Variants in MCPH1 observed in about 807,000 individuals in gnomAD.
MCPH1 encodes the protein microcephalin 1, also known as microcephalin.
In MCPH1, 104 loss-of-function variants were observed where a neutral mutation model predicts 84.5. The ratio of observed to expected loss-of-function variants is 1.23; its 90% CI spans 1.05 to 1.45. The LOEUF is 1.45. MCPH1 is among the 40% of genes most tolerant of loss of function. The pLI is 0.00. For missense variants in MCPH1, 1,498 were observed against 1,005.7 expected (o/e 1.49, Z -6.62); for synonymous variants, 514 against 366.8 (o/e 1.40, Z -4.58).
intron 13 of MCPH1, among the ~76,000 whole-genome samples, chr8:6,640,229 A>G (rs929913457): frequency 2.0e-5 from 3 of 152,256 alleles, no homozygotes; most frequent in East Asian, 1.9e-4. Context: ...TTTCTGTAAA[A>G]TACATTCCAA....
chr8:6,512,449 G>C (rs972171664), intron 12 of MCPH1, among the ~76,000 whole-genome samples: 5 of 152,126 alleles, frequency 3.3e-5, no homozygotes, highest in Non-Finnish European at 5.9e-5. Context: ...TGTGATGTTC[G>C]TGTTGACCTT....
chr8:6,483,002 A>C (rs1222500835), intron 11 of MCPH1, among the ~76,000 whole-genome samples: 1 of 152,192 alleles, frequency 6.6e-6, no homozygotes, highest in Non-Finnish European at 1.5e-5. Context: ...TAAACCACAC[A>C]ATTTTCTATG....
intron 9 of MCPH1, among the ~76,000 whole-genome samples, chr8:6,471,523 A>G (rs1807709487): frequency 6.6e-6 from 1 of 152,228 alleles, no homozygotes; most frequent in Non-Finnish European, 1.5e-5. Context: ...AGATACAGGC[A>G]GAGGGAGAAG....
At chr8:6,522,513 C>T (rs1428376622) in intron 12 of MCPH1, among the ~76,000 whole-genome samples, 1 of 152,158 alleles carries the variant, frequency 6.6e-6, no homozygotes, top group Non-Finnish European at 1.5e-5. Context: ...GTGGCTCACA[C>T]CTATAATCCC....
chr8:6,414,674 A>G (rs966907716), intron 2 of MCPH1, 91 bp from the exon 3 acceptor site: 1 of 1,408,272 alleles, frequency 7.1e-7, no homozygotes, highest in East Asian at 2.4e-5. Context: ...GTTGAGAAAC[A>G]GAATTGCTGG....
chr8:6,586,534 G>C (rs1337583690), intron 12 of MCPH1, among the ~76,000 whole-genome samples: 1 of 152,124 alleles, frequency 6.6e-6, no homozygotes, highest in East Asian at 1.9e-4. Flanking sequence ...CCTTCTTTCA[G>C]CAGTTATTGA....
At chr8:6,613,550 G>A (rs1007982817) in intron 12 of MCPH1, among the ~76,000 whole-genome samples, 10 of 152,034 alleles carry the variant, frequency 6.6e-5, no homozygotes, top group African/African-American at 2.2e-4. Context: ...TGCAGACAAG[G>A]TGGGAGGTGG....
At chr8:6,514,919 G>T in intron 12 of MCPH1, 1 of 630,368 alleles carries the variant, frequency 1.6e-6, no homozygotes, top group Admixed American at 2.6e-5. Flanking sequence ...GTAGACCATC[G>T]GGGTTGTCTA....
At chr8:6,623,715 A>AC (rs1831744157) in intron 13 of MCPH1, among the ~76,000 whole-genome samples, 1 of 3,002 alleles carries the variant, frequency 3.3e-4, no homozygotes, top group African/African-American at 9.4e-4. Flanking sequence ...AAAAAAAAAA[A>AC]AAACTATTGA....
At chr8:6,473,331 T>G (rs1334323027) in intron 9 of MCPH1, among the ~76,000 whole-genome samples, 1 of 123,274 alleles carries the variant, frequency 8.1e-6, no homozygotes, top group Non-Finnish European at 1.7e-5. Context: ...TTTTTTTTTT[T>G]TTTTTTTTTT....
intron 3 of MCPH1, among the ~76,000 whole-genome samples, chr8:6,430,406 C>G (rs1256010427): frequency 6.6e-6 from 1 of 152,156 alleles, no homozygotes; most frequent in South Asian, 2.1e-4. Context: ...GAAAATCACA[C>G]GTTAGTGTTG....
chr8:6,522,104 C>G (rs558274397), intron 12 of MCPH1, among the ~76,000 whole-genome samples: 1 of 152,176 alleles, frequency 6.6e-6, no homozygotes, highest in Middle Eastern at 3.2e-3. Flanking sequence ...GCTTGTAATC[C>G]CAGCACTTTG....
At chr8:6,491,376 CTTT>C (rs34589854) in intron 11 of MCPH1, among the ~76,000 whole-genome samples, 6 of 128,136 alleles carry the variant, frequency 4.7e-5, no homozygotes, top group Admixed American at 7.9e-5. Context: ...TGGTTTCTTT[CTTT>C]TTTTTTTTTT....
chr8:6,409,247 A>G (rs1563163092), intron 1 of MCPH1, 32 bp from the exon 2 acceptor site: 1 of 1,549,124 alleles, frequency 6.5e-7, no homozygotes, highest in Non-Finnish European at 8.9e-7. Context: ...GGAATTTCAA[A>G]TGTATGTTTC....
intron 12 of MCPH1, among the ~76,000 whole-genome samples, chr8:6,528,647 T>C (rs1267137013): frequency 1.3e-5 from 2 of 152,252 alleles, no homozygotes; most frequent in Non-Finnish European, 2.9e-5. Flanking sequence ...CCGCGGATTC[T>C]CTAGCGCCTG....
chr8:6,506,572 CAA>C (rs749427852), intron 12 of MCPH1, among the ~76,000 whole-genome samples: 5 of 152,170 alleles, frequency 3.3e-5, no homozygotes, highest in Non-Finnish European at 7.4e-5. Context: ...AGACAGGAAA[CAA>C]AGTCCTAGGT....
intron 3 of MCPH1, among the ~76,000 whole-genome samples, chr8:6,415,630 A>C (rs1799168545): frequency 6.6e-6 from 1 of 152,184 alleles, no homozygotes; most frequent in African/African-American, 2.4e-5. Flanking sequence ...CTAGGATTAC[A>C]GGTGTGAGCC....
intron 11 of MCPH1, among the ~76,000 whole-genome samples, chr8:6,488,770 C>G (rs916223861): frequency 2.0e-4 from 31 of 152,076 alleles, no homozygotes; most frequent in African/African-American, 7.5e-4. Context: ...AGAGTGGCAG[C>G]TTTTGTCTCT....
chr8:6,522,485 C>T (rs1190068200), intron 12 of MCPH1, among the ~76,000 whole-genome samples: 1 of 151,468 alleles, frequency 6.6e-6, no homozygotes, highest in Non-Finnish European at 1.5e-5. Flanking sequence ...AACTTAGGGA[C>T]ATTGAGGGCC....
Sources: gnomAD v4.1 joint callset for allele counts (sites outside exome capture counted in the v4.1 genomes callset) on GRCh38, gnomAD v4.1.1 for gene constraint, MANE v1.5 for transcripts, NCBI Gene and HGNC (gene_info 2026-07-23, HGNC 2026-07-21) for gene names.